DNAJC11: variants seen among roughly 807,000 people sequenced by gnomAD.
The protein encoded by DNAJC11 is dnaJ homolog subfamily C member 11.
In DNAJC11, 15 loss-of-function variants were observed where a neutral mutation model predicts 78.6. The observed-to-expected ratio is 0.19, with a 90% CI of 0.13 to 0.29. DNAJC11 has a LOEUF of 0.29. Ranked by LOEUF, DNAJC11 falls within the 10% of genes least tolerant of loss-of-function variation. The probability of loss-of-function intolerance (pLI) is 1.00; values close to 1 mark genes in which losing one functional copy is unlikely to be tolerated. For missense variants in DNAJC11, 547 were observed against 709.6 expected (o/e 0.77, Z 2.60); for synonymous variants, 292 against 272.1 (o/e 1.07, Z -0.72).
chr1:6,690,755 T>A (rs1642732479), intron 1 of DNAJC11, among the ~76,000 whole-genome samples: 1 of 151,984 alleles, frequency 6.6e-6, no homozygotes, highest in Non-Finnish European at 1.5e-5. Context: ...AAACCCCGTC[T>A]CTACCAAAAA....
At chr1:6,666,358 C>G (rs569284099) in intron 4 of DNAJC11, among the ~76,000 whole-genome samples, 1 of 150,814 alleles carries the variant, frequency 6.6e-6, no homozygotes, top group African/African-American at 2.4e-5. Flanking sequence ...CCAGTTTAAG[C>G]CAGCATTTGT....
intron 10 of DNAJC11, among the ~76,000 whole-genome samples, chr1:6,643,429 C>T (rs573704013): frequency 1.5e-4 from 23 of 152,090 alleles, no homozygotes; most frequent in Admixed American, 7.9e-4. Context: ...GCGCCCGCCA[C>T]CACGCCCGGT....
chr1:6,659,524 C>T (rs1642176432), intron 4 of DNAJC11, among the ~76,000 whole-genome samples: 1 of 152,086 alleles, frequency 6.6e-6, no homozygotes, highest in Non-Finnish European at 1.5e-5. Flanking sequence ...CTCTGGGAGG[C>T]CGCGGCGGGT....
intron 3 of DNAJC11, among the ~76,000 whole-genome samples, chr1:6,677,182 A>C (rs1006507384): frequency 1.3e-5 from 2 of 151,866 alleles, no homozygotes; most frequent in Non-Finnish European, 2.9e-5. Flanking sequence ...AAACAAAAAA[A>C]ACGAAGGAAC....
chr1:6,644,713 T>C (rs1465341147), intron 9 of DNAJC11, 39 bp from the exon 10 acceptor site: 1 of 1,532,508 alleles, frequency 6.5e-7, no homozygotes, highest in African/African-American at 1.4e-5. Context: ...GTGCCCCTCA[T>C]TCATCACTTC....
chr1:6,664,340 C>A (rs191009299), intron 4 of DNAJC11, among the ~76,000 whole-genome samples: 1 of 151,658 alleles, frequency 6.6e-6, no homozygotes, highest in East Asian at 1.9e-4. Context: ...CCTGGGTTCA[C>A]GCCATTCTCC....
intron 4 of DNAJC11, among the ~76,000 whole-genome samples, chr1:6,663,028 G>A (rs181008163): frequency 6.6e-6 from 1 of 152,240 alleles, no homozygotes; most frequent in Admixed American, 6.5e-5. Flanking sequence ...GACATATTGG[G>A]ATTACAGGTG....
In DNAJC11 at chr1:6,667,714, G is replaced by C. The variant is rs753160691; in HGVS notation, c.373C>G (p.Pro125Ala). ...EERRLQQRTN[P>A]KGTISVGVDA... The stretch of plus-strand genomic sequence containing the variant: ...AAACGTGGCCCCTGGCTTACCTTGG[G>C]ATTGGTTCGCTGCTGCAATCTCCTC... The change falls in exon 4 of 16, where the codon CCC (proline) becomes GCC (alanine). Residue 125 changes from proline (P) to alanine (A), a missense_variant. Pro to Ala is a conservative substitution (Grantham distance 27, BLOSUM62 -1). Coordinates refer to ENST00000377577, the MANE Select transcript of DNAJC11 (RefSeq NM_018198.4). 2 of 1,614,072 alleles carry C rather than the reference G, an allele frequency of 1.2e-6. No individual in the cohort carries two copies. The highest frequency in any genetic ancestry group is 1.7e-6 in the Non-Finnish European group (2 of 1,179,984).
At chr1:6,646,253 G>A (rs1161515770) in intron 7 of DNAJC11, among the ~76,000 whole-genome samples, 1 of 152,156 alleles carries the variant, frequency 6.6e-6, no homozygotes, top group Non-Finnish European at 1.5e-5. Context: ...TCCTATGCCA[G>A]CAGATGCAAC....
Position 6,634,623 on chromosome 1 carries a change from A to AC in DNAJC11, c.*1051dup. ...CGAGAGACAGGCCTCACGTAACTTT[A>AC]CTGCAGCCGAGGTCCAGGCCGTGGA... On this transcript the variant is annotated 3_prime_UTR_variant, in exon 16 of 16. Transcript: ENST00000377577. The AC allele has an allele frequency of 7.3e-7, 1 of 1,366,394 alleles. No homozygotes were observed. Among genetic ancestry groups the AC allele is most frequent in the Non-Finnish European group, 9.8e-7 (1 of 1,021,820 alleles). The allele number at this position is 1,366,394 out of a possible 1,614,324, so 84.6% of individuals were successfully genotyped here.
At chr1:6,696,336 T>C (rs192500855) in intron 1 of DNAJC11, among the ~76,000 whole-genome samples, 2 of 152,356 alleles carry the variant, frequency 1.3e-5, no homozygotes, top group East Asian at 1.9e-4. Flanking sequence ...CTTTAGGTAT[T>C]TGAGTCGCTC....
intron 10 of DNAJC11, among the ~76,000 whole-genome samples, chr1:6,643,876 G>A (rs1357725620): frequency 6.6e-6 from 1 of 151,896 alleles, no homozygotes. Context: ...ACAAGCAACT[G>A]TATTTTTTTT....
chr1:6,651,744 T>C (rs1240301317), intron 6 of DNAJC11, 142 bp from the exon 7 acceptor site: 5 of 658,604 alleles, frequency 7.6e-6, no homozygotes, highest in Admixed American at 2.6e-5. Context: ...GGGTGGAAGA[T>C]TGTTAATGTC....
Position 6,635,666 on chromosome 1 carries a change from C to A in DNAJC11, c.*9G>T. The A allele has an allele frequency of 6.2e-7, 1 of 1,613,832 alleles. No homozygotes were observed. The highest frequency in any genetic ancestry group is 8.5e-7 in the Non-Finnish European group (1 of 1,179,898). On this transcript the variant is annotated 3_prime_UTR_variant, in exon 16 of 16. Transcript: ENST00000377577. The stretch of plus-strand genomic sequence containing the variant: ...TTTGCGGCCTTTTAAAAATCTGGTT[C>A]TTGGCAGTTTATCCATCTGTATCGA...
intron 1 of DNAJC11, among the ~76,000 whole-genome samples, chr1:6,685,567 C>T (rs1570309972): frequency 1.3e-5 from 2 of 152,178 alleles, no homozygotes; most frequent in Admixed American, 1.3e-4. Flanking sequence ...CTCAATCAAT[C>T]CGAGCTCCTC....
intron 14 of DNAJC11, among the ~76,000 whole-genome samples, chr1:6,636,860 T>C (rs965411916): frequency 1.3e-5 from 2 of 152,162 alleles, no homozygotes; most frequent in Admixed American, 6.5e-5. Context: ...GTTTGTTTGT[T>C]TGTTTTGAGA....
intron 12 of DNAJC11, chr1:6,637,976 C>A (rs997468242): frequency 1.5e-5 from 6 of 392,004 alleles, no homozygotes; most frequent in Non-Finnish European, 2.8e-5. Context: ...GCGCACACGG[C>A]CCATGGCCAC....
At chr1:6,659,824 G>A (rs1255872518) in intron 4 of DNAJC11, among the ~76,000 whole-genome samples, 1 of 151,976 alleles carries the variant, frequency 6.6e-6, no homozygotes, top group Non-Finnish European at 1.5e-5. Context: ...TTGGGAGGCT[G>A]AGGCGGGCAG....
At chr1:6,643,489 A>C (rs942317159) in intron 10 of DNAJC11, among the ~76,000 whole-genome samples, 104 of 151,968 alleles carry the variant, frequency 6.8e-4, no homozygotes, top group African/African-American at 1.4e-3. Context: ...GTTAGCCAGG[A>C]TGGTCTCAAT....
Sources: gnomAD v4.1 joint callset for allele counts (sites outside exome capture counted in the v4.1 genomes callset) on GRCh38, gnomAD v4.1.1 for gene constraint, MANE v1.5 for transcripts, NCBI Gene and HGNC (gene_info 2026-07-23, HGNC 2026-07-21) for gene names.